The following SPAG9 variants were observed in gnomAD, a reference collection of about 807,000 sequenced individuals.
SPAG9 encodes C-Jun-amino-terminal kinase-interacting protein 4.
SPAG9 carries 35 observed loss-of-function variants against 166.5 expected under a neutral mutation model. That is an observed-to-expected ratio of 0.21 (90% confidence interval 0.16 to 0.28). The LOEUF (loss-of-function observed/expected upper bound fraction) is 0.28, where lower values mean the gene tolerates loss of function less well. SPAG9 is among the 10% of genes least tolerant of loss of function. The pLI is 1.00. For synonymous variants in SPAG9, 534 were observed against 565.5 expected (o/e 0.94, Z 0.79); for missense variants, 1,235 against 1,603.3 (o/e 0.77, Z 3.92).
intron 5 of SPAG9, among the ~76,000 whole-genome samples, chr17:51,040,928 C>T (rs1479636071): frequency 6.6e-6 from 1 of 152,112 alleles, no homozygotes; most frequent in African/African-American, 2.4e-5. Flanking sequence ...TAATTATTAG[C>T]TTATATCCAC....
chr17:51,071,404 G>A (rs2047816643), intron 2 of SPAG9, among the ~76,000 whole-genome samples: 1 of 152,050 alleles, frequency 6.6e-6, no homozygotes, highest in African/African-American at 2.4e-5. Flanking sequence ...ACACAATATC[G>A]ATTACAGACT....
In SPAG9 at chr17:50,966,239, C is replaced by T. The variant is rs371771793; in HGVS notation, c.*33G>A. Reference sequence around the variant, plus strand: ...GGGAAAATAAACCATGCAGAAGAGACGGCTTCCCCATCTCCACCTGTTTCC... The same window carrying T: ...GGGAAAATAAACCATGCAGAAGAGATGGCTTCCCCATCTCCACCTGTTTCC... On this transcript the variant is annotated 3_prime_UTR_variant, in exon 30 of 30. Transcript: ENST00000262013. 24 of 1,244,530 alleles carry T rather than the reference C, an allele frequency of 1.9e-5. No homozygotes were observed. The highest frequency in any genetic ancestry group is 1.9e-4 in the Middle Eastern group (1 of 5,382). 77.1% of individuals were successfully genotyped at this position (1,244,530 alleles called of 1,614,324 possible).
rs1294376260 is a variant in SPAG9, at chr17:51,031,742, T to TA, written c.742-21dup. On this transcript the variant is annotated intron_variant, in intron 5 of 29. Coordinates refer to ENST00000262013, the MANE Select transcript of SPAG9 (RefSeq NM_001130528.3). ...GCTGACCTAGGAAGAGGGAAGATTA[T>TA]AAAAGAGAAAAAAATTATGTGTTTA... is the stretch of plus-strand genomic sequence containing the variant. The TA allele has an allele frequency of 6.5e-7, 1 of 1,544,464 alleles. No homozygotes were observed. Among genetic ancestry groups the TA allele is most frequent in the South Asian group, 1.2e-5 (1 of 83,860 alleles).
At chr17:51,056,363 ATTTC>A (rs758332079) in intron 3 of SPAG9, 45 bp downstream of exon 3, 2 of 1,056,118 alleles carry the variant, frequency 1.9e-6, no homozygotes, top group Admixed American at 3.8e-5. Flanking sequence ...TCTAAGGTTC[ATTTC>A]TTTGTCTCAA....
intron 9 of SPAG9, among the ~76,000 whole-genome samples, chr17:51,012,895 C>T (rs1185714638): frequency 1.3e-5 from 2 of 151,802 alleles, no homozygotes; most frequent in Non-Finnish European, 2.9e-5. Flanking sequence ...TACTGGCATA[C>T]TCCACCATGC....
intron 4 of SPAG9, among the ~76,000 whole-genome samples, chr17:51,044,920 T>C (rs955718788): frequency 3.9e-5 from 6 of 152,204 alleles, no homozygotes; most frequent in Admixed American, 2.0e-4. Context: ...AAATTTTAAT[T>C]ATAAGGTATT....
chr17:51,101,615 CT>C lies in SPAG9; in HGVS notation c.303+18738del, dbSNP rs958514632. On this transcript the variant is annotated intron_variant, in intron 1 of 29. Transcript: ENST00000262013. The stretch of plus-strand genomic sequence containing the variant: ...AAATTTGATTTATACCATAATAGTC[CT>C]TTTTTTTTTGAGGGGGACAGGGGAG... Among the ~76,000 whole-genome samples, 191 of 147,424 alleles carry C rather than the reference CT, an allele frequency of 1.3e-3. 1 individual carries two copies. Among genetic ancestry groups the C allele is most frequent in the African/African-American group, 4.1e-3 (165 of 40,396 alleles).
chr17:51,086,529 T>G (rs2048311812), intron 1 of SPAG9, among the ~76,000 whole-genome samples: 1 of 151,090 alleles, frequency 6.6e-6, no homozygotes, highest in Non-Finnish European at 1.5e-5. Context: ...GGCATGCACC[T>G]GTAGTCATAG....
At chr17:51,066,014 A>T (rs1234681534) in intron 2 of SPAG9, among the ~76,000 whole-genome samples, 2 of 152,218 alleles carry the variant, frequency 1.3e-5, no homozygotes, top group Non-Finnish European at 2.9e-5. Flanking sequence ...TATAGCAACT[A>T]CAGTTAGCTT....
chr17:50,991,371 GTTGA>G (rs1187352564), intron 19 of SPAG9, among the ~76,000 whole-genome samples: 15 of 151,870 alleles, frequency 9.9e-5, no homozygotes, highest in Admixed American at 2.0e-4. Context: ...AAGTATATAG[GTTGA>G]TTAAGATATT....
At chr17:51,107,228 T>A (rs1489887643) in intron 1 of SPAG9, among the ~76,000 whole-genome samples, 1 of 151,650 alleles carries the variant, frequency 6.6e-6, no homozygotes. Flanking sequence ...TAGAGAATCA[T>A]AAAGTTCCTG....
chr17:51,096,624 C>A lies in SPAG9; in HGVS notation c.304-16920G>T, dbSNP rs543536910. ...GATCTTACATATGCACCGAATGTTA[C>A]TACAACAACATTTGTAATATATAAT... On this transcript the variant is annotated intron_variant, in intron 1 of 29. Coordinates refer to ENST00000262013, the MANE Select transcript of SPAG9 (RefSeq NM_001130528.3). Among the ~76,000 whole-genome samples the A allele has an allele frequency of 2.0e-5, 3 of 152,100 alleles. No homozygotes were observed. The East Asian group carries it at 5.8e-4, about 29-fold the overall frequency.
Position 51,031,703 on chromosome 17 carries a change from G to C in SPAG9, c.761C>G (p.Pro254Arg). ...CACCTCCTGTTCTACAGCCTTCTGAGGTTCAGGACTATTGCTGACCTAGGA... is the reference window on the plus strand; with the variant it reads ...CACCTCCTGTTCTACAGCCTTCTGACGTTCAGGACTATTGCTGACCTAGGA... ...TSLKVSNSPEPQKAVEQEDEL... is the reference protein window; with the variant it reads ...TSLKVSNSPERQKAVEQEDEL... The change falls in exon 6 of 30, where the codon CCT (proline) becomes CGT (arginine). Residue 254 changes from proline to arginine, a missense_variant. Transcript: ENST00000262013. The C allele has an allele frequency of 6.4e-7, 1 of 1,550,996 alleles. No homozygotes were observed. Among genetic ancestry groups the C allele is most frequent in the Non-Finnish European group, 8.7e-7 (1 of 1,146,564 alleles).
At chr17:50,975,972 C>T (rs192030724) in intron 27 of SPAG9, 56 of 1,170,972 alleles carry the variant, frequency 4.8e-5, no homozygotes, top group Non-Finnish European at 6.9e-5. Flanking sequence ...CTGTGAGCCA[C>T]CACTCTCAGC....
chr17:51,028,630 A>G lies in SPAG9; in HGVS notation c.783+3051T>C, dbSNP rs957008879. Among the ~76,000 whole-genome samples, 4 of 152,196 alleles carry G rather than the reference A, an allele frequency of 2.6e-5. No homozygotes were observed. The East Asian group carries it at 5.8e-4, about 22-fold the overall frequency. On this transcript the variant is annotated intron_variant, in intron 6 of 29. Coordinates refer to ENST00000262013, the MANE Select transcript of SPAG9 (RefSeq NM_001130528.3). ...GTCTAGGTTTGGGTAAATTCACTCT[A>G]TGATGTTCCTACAACAAAATCACCT...
chr17:51,073,099 G>A (rs1053936403), intron 2 of SPAG9, among the ~76,000 whole-genome samples: 2 of 152,168 alleles, frequency 1.3e-5, no homozygotes, highest in African/African-American at 4.8e-5. Flanking sequence ...GCAGAGGTGG[G>A]CGGATCACCA....
intron 2 of SPAG9, among the ~76,000 whole-genome samples, chr17:51,066,837 A>G (rs1009069589): frequency 6.6e-6 from 1 of 152,020 alleles, no homozygotes; most frequent in East Asian, 1.9e-4. Context: ...GGCTGCAGTG[A>G]GCCGAGATTA....
intron 3 of SPAG9, among the ~76,000 whole-genome samples, chr17:51,054,153 G>T (rs2047290745): frequency 9.4e-6 from 1 of 106,556 alleles, no homozygotes; most frequent in Non-Finnish European, 1.7e-5. Flanking sequence ...GACAGGGTCT[G>T]TTGCCCAGGC....
At position 50,967,177 on chromosome 17, in the gene SPAG9, T is replaced by G. The variant is rs73346134; in HGVS notation, c.3851-790A>C. ...GCATACCATAATTCTCGATACAAGC[T>G]TGCATCAATTGTATCTGTTGTCACA... On this transcript the variant is annotated intron_variant, in intron 29 of 29. Coordinates refer to ENST00000262013, the MANE Select transcript of SPAG9 (RefSeq NM_001130528.3). Among the ~76,000 whole-genome samples, 255 of 152,306 alleles carry G rather than the reference T, an allele frequency of 1.7e-3. 1 individual carries two copies. Among genetic ancestry groups the G allele is most frequent in the African/African-American group, 5.6e-3 (231 of 41,564 alleles).
Sources: gnomAD v4.1 joint callset for allele counts (sites outside exome capture counted in the v4.1 genomes callset) on GRCh38, gnomAD v4.1.1 for gene constraint, MANE v1.5 for transcripts, NCBI Gene and HGNC (gene_info 2026-07-23, HGNC 2026-07-21) for gene names.